The following TET2 variants were observed in gnomAD, a reference collection of about 807,000 sequenced individuals.
TET2 encodes the protein methylcytosine dioxygenase TET2.
TET2 carries 299 observed loss-of-function variants against 142.9 expected under a neutral mutation model. The ratio of observed to expected loss-of-function variants is 2.09; its 90% CI spans 1.90 to 2.30. The LOEUF (loss-of-function observed/expected upper bound fraction) is 2.30, where lower values mean the gene tolerates loss of function less well. Among genes scored for constraint, TET2 ranks in the 30% most tolerant of loss-of-function variants. TET2 has a pLI of 0.00. For missense variants in TET2, 2,418 were observed against 2,378.0 expected (o/e 1.02, Z -0.35); for synonymous variants, 819 against 849.0 (o/e 0.96, Z 0.61).
chr4:105,229,240 C>A (rs1017644183), intron 2 of TET2, among the ~76,000 whole-genome samples: 2 of 152,166 alleles, frequency 1.3e-5, no homozygotes, highest in Admixed American at 6.5e-5. Flanking sequence ...TCTAGACCAT[C>A]TCTTAATGTA....
In TET2 at chr4:105,236,415, TC is replaced by T; in HGVS notation, c.2474del (p.Ser825Ter). The T allele has an allele frequency of 1.2e-6, 2 of 1,613,946 alleles. No individual in the cohort carries two copies. The highest frequency in any genetic ancestry group is 8.5e-7 in the Non-Finnish European group (1 of 1,179,950). ...RNSPYSQTMK[S>X]SACKIQVSCS... ...TTCCCCTTATAGTCAGACCATGAAA[TC>T]AAGTGCATGCAAAATACAGGTTTCT... On this transcript the variant is annotated frameshift_variant, in exon 3 of 11. Coordinates refer to ENST00000380013, the MANE Select transcript of TET2 (RefSeq NM_001127208.3). LOFTEE classifies it high-confidence loss of function.
At chr4:105,151,739 T>A (rs1194978334) in intron 1 of TET2, among the ~76,000 whole-genome samples, 1 of 152,152 alleles carries the variant, frequency 6.6e-6, no homozygotes. Context: ...GTTGTTCCTC[T>A]AAACTGACTT....
At chr4:105,252,871 C>A (rs936161811) in intron 6 of TET2, among the ~76,000 whole-genome samples, 1 of 152,102 alleles carries the variant, frequency 6.6e-6, no homozygotes, top group Admixed American at 6.5e-5. Context: ...CAGTTGTTCC[C>A]GTACCATTTC....
In TET2 at chr4:105,232,327, C is replaced by T. The variant is rs1000356431; in HGVS notation, c.-46-1570C>T. ...CATTAATAGTGCTGTGATGAACATA[C>T]GTGTGCAATATGCCTTTATGGTAGA... On this transcript the variant is annotated intron_variant, in intron 2 of 10. Coordinates refer to ENST00000380013, the MANE Select transcript of TET2 (RefSeq NM_001127208.3). Among the ~76,000 whole-genome samples the T allele has an allele frequency of 1.1e-4, 16 of 152,220 alleles. 1 individual carries two copies. The highest frequency in any genetic ancestry group is 3.3e-4 in the Admixed American group (5 of 15,288).
chr4:105,178,069 CAG>C (rs1483644819), intron 1 of TET2: 1 of 151,774 alleles, frequency 6.6e-6, no homozygotes, highest in African/African-American at 2.4e-5. Context: ...GCCTGAGTGA[CAG>C]AGCAAAACTC....
At position 105,236,449 on chromosome 4, in the gene TET2, AC is replaced by A; in HGVS notation, c.2508del (p.Asn836LysfsTer5). 6.2e-7 allele frequency: 1 copy of A among 1,614,122 alleles called. No individual in the cohort carries two copies. Among genetic ancestry groups the A allele is most frequent in the Non-Finnish European group, 8.5e-7 (1 of 1,179,994 alleles). ...SACKIQVSCS[N>X]NTHLVSENKE... Reference sequence around the variant, plus strand: ...TGCAAAATACAGGTTTCTTGTTCAAACAATACACACCTAGTTTCAGAGAATA... The same window carrying A: ...TGCAAAATACAGGTTTCTTGTTCAAAAATACACACCTAGTTTCAGAGAATA... On this transcript the variant is annotated frameshift_variant, in exon 3 of 11. Coordinates refer to ENST00000380013, the MANE Select transcript of TET2 (RefSeq NM_001127208.3). LOFTEE classifies it high-confidence loss of function.
At chr4:105,172,133 C>G (rs1414654379) in intron 1 of TET2, among the ~76,000 whole-genome samples, 1 of 152,048 alleles carries the variant, frequency 6.6e-6, no homozygotes, top group Admixed American at 6.5e-5. Context: ...TGTCTATTTG[C>G]AATGCATCAC....
intron 9 of TET2, among the ~76,000 whole-genome samples, chr4:105,272,179 G>A (rs939435280): frequency 1.3e-5 from 2 of 152,156 alleles, no homozygotes; most frequent in Admixed American, 1.3e-4. Flanking sequence ...AAAACTTTTA[G>A]CCTGTTTTTG....
intron 2 of TET2, among the ~76,000 whole-genome samples, chr4:105,207,857 G>T (rs188728447): frequency 6.6e-6 from 1 of 152,240 alleles, no homozygotes; most frequent in Non-Finnish European, 1.5e-5. Flanking sequence ...AGGGAAGAAA[G>T]AATTAAACAT....
intron 1 of TET2, among the ~76,000 whole-genome samples, chr4:105,168,885 G>C (rs1724303255): frequency 6.6e-6 from 1 of 152,130 alleles, no homozygotes; most frequent in Admixed American, 6.5e-5. Context: ...ATAGTCTCCA[G>C]TCTTATCCAG....
chr4:105,236,968 A>G lies in TET2; in HGVS notation c.3026A>G (p.Gln1009Arg). 1.2e-6 allele frequency: 2 copies of G among 1,614,154 alleles called. No individual in the cohort carries two copies. The highest frequency in any genetic ancestry group is 1.1e-5 in the South Asian group (1 of 91,086). The change falls in exon 3 of 11, where the codon CAA becomes CGA. Residue 1009 changes from glutamine to arginine, a missense_variant. Transcript: ENST00000380013. The part of the protein sequence containing the change: ...ENKTWKKVTK[Q>R]ENPPASCDNV... ...AAAACATGGAAAAAGGTAACTAAGC[A>G]AGAGAATCCACCTGCAAGCTGTGAT...
intron 1 of TET2, among the ~76,000 whole-genome samples, chr4:105,165,361 G>A: frequency 6.6e-6 from 1 of 152,116 alleles, no homozygotes; most frequent in Non-Finnish European, 1.5e-5. Flanking sequence ...GGGTGACAGA[G>A]GGAGACTTCG....
In TET2 at chr4:105,259,667, C is replaced by T. The variant is rs1442519157; in HGVS notation, c.3852C>T (p.Ser1284=). ...QGLDPETCGA[S]FSFGCSWSMY... Reference sequence around the variant, plus strand: ...TGGATCCAGAAACCTGTGGTGCCTCCTTCTCTTTTGGTTGTTCATGGAGCA... The same window carrying T: ...TGGATCCAGAAACCTGTGGTGCCTCTTTCTCTTTTGGTTGTTCATGGAGCA... Residue 1284 remains serine, a synonymous_variant, in exon 7 of 11, where the codon TCC becomes TCT. Coordinates refer to ENST00000380013, the MANE Select transcript of TET2 (RefSeq NM_001127208.3). The T allele has an allele frequency of 1.3e-6, 2 of 1,551,072 alleles. No homozygotes were observed. Among genetic ancestry groups the T allele is most frequent in the Non-Finnish European group, 1.7e-6 (2 of 1,146,530 alleles).
At position 105,235,902 on chromosome 4, in the gene TET2, C is replaced by T; in HGVS notation, c.1960C>T (p.Gln654Ter). 1 of 1,614,054 alleles carries T rather than the reference C, an allele frequency of 6.2e-7. No homozygotes were observed. The highest frequency in any genetic ancestry group is 8.5e-7 in the Non-Finnish European group (1 of 1,180,002). ...TACAGTGGACCAACATCTCCAGTTC[C>T]AAAAACCCTCACACCAGGTGCACTT... ...QGTVDQHLQF[Q>*]KPSHQVHFSK... Residue 654 changes from glutamine (Q) to a stop codon, truncating the protein, a stop_gained, in exon 3 of 11, where the codon CAA (glutamine) becomes TAA (stop). Transcript: ENST00000380013. LOFTEE classifies it high-confidence loss of function.
At chr4:105,249,227 A>G (rs911081112) in intron 6 of TET2, among the ~76,000 whole-genome samples, 2 of 152,062 alleles carry the variant, frequency 1.3e-5, no homozygotes, top group Non-Finnish European at 2.9e-5. Context: ...GGGTTTCACC[A>G]TGTTGGCTAG....
intron 2 of TET2, among the ~76,000 whole-genome samples, chr4:105,225,196 G>GTGTGTGTGTGTGTC (rs1472853448): frequency 1.3e-5 from 2 of 151,768 alleles, no homozygotes; most frequent in Non-Finnish European, 2.9e-5. Context: ...GTGTGTGTGT[G>GTGTGTGTGTGTGTC]TGTGTGTGTG....
In TET2 at chr4:105,276,035, A is replaced by G; in HGVS notation, c.5525A>G (p.Asp1842Gly). ...CAGGGTGTGGCTTCTGGTGCAGAGG[A>G]CAACGATGAGGTCTGGTCAGACAGC... is the stretch of plus-strand genomic sequence containing the variant. ...LVQGVASGAEDNDEVWSDSEQ... is the reference protein window; with the variant it reads ...LVQGVASGAEGNDEVWSDSEQ... Residue 1842 changes from aspartate to glycine, a missense_variant, in exon 11 of 11, where the codon GAC (aspartate) becomes GGC (glycine). Physicochemically the swap from Asp to Gly is moderately conservative, Grantham distance 94. Coordinates refer to ENST00000380013, the MANE Select transcript of TET2 (RefSeq NM_001127208.3). 2.6e-6 allele frequency: 4 copies of G among 1,551,676 alleles called. No individual in the cohort carries two copies. In the South Asian group the frequency reaches 4.8e-5, roughly 18 times the overall value.
chr4:105,174,963 G>A (rs1724694624), intron 1 of TET2, among the ~76,000 whole-genome samples: 1 of 152,076 alleles, frequency 6.6e-6, no homozygotes. Context: ...ATATAACTCT[G>A]GACAACTCAA....
At chr4:105,216,190 C>T (rs1727481027) in intron 2 of TET2, among the ~76,000 whole-genome samples, 1 of 152,070 alleles carries the variant, frequency 6.6e-6, no homozygotes, top group Non-Finnish European at 1.5e-5. Flanking sequence ...GAAGAGGAGA[C>T]ATAGAGTACA....
Sources: gnomAD v4.1 joint callset for allele counts (sites outside exome capture counted in the v4.1 genomes callset) on GRCh38, gnomAD v4.1.1 for gene constraint, MANE v1.5 for transcripts, NCBI Gene and HGNC (gene_info 2026-07-23, HGNC 2026-07-21) for gene names.